The following FLNC variants were observed in gnomAD, a reference collection of about 807,000 sequenced individuals.
FLNC encodes filamin C, also known as filamin-C.
Under a neutral mutation model 254.3 loss-of-function variants are expected in FLNC, and 91 were observed. The ratio of observed to expected loss-of-function variants is 0.36; its 90% CI spans 0.30 to 0.43. The LOEUF (loss-of-function observed/expected upper bound fraction) is 0.43. FLNC is among the 20% of genes least tolerant of loss of function. The pLI is 1.00. For missense variants in FLNC, 2,853 were observed against 3,802.6 expected (o/e 0.75, Z 6.57); for synonymous variants, 1,430 against 1,577.2 (o/e 0.91, Z 2.21).
chr7:128,840,870 G>T lies in FLNC; in HGVS notation c.1713G>T (p.Val571=). The stretch of plus-strand genomic sequence containing the variant: ...TACAGGTGAGCCCAGAGGCAGGAGT[G>T]CAAAAGGTCCGGGCCTGGGGTCCTG... ...FEVQVSPEAG[V]QKVRAWGPGL... The change falls in exon 11 of 48, where the codon GTG becomes GTT. Residue 571 remains valine, a synonymous_variant. Transcript: ENST00000325888. 1 of 1,614,026 alleles carries T rather than the reference G, an allele frequency of 6.2e-7. No individual in the cohort carries two copies. Among genetic ancestry groups the T allele is most frequent in the Non-Finnish European group, 8.5e-7 (1 of 1,180,004 alleles).
At chr7:128,850,268 C>T (rs1489261131) in intron 31 of FLNC, 116 bp from the exon 32 acceptor site, 10 of 1,022,882 alleles carry the variant, frequency 9.8e-6, no homozygotes, top group African/African-American at 1.6e-5. Context: ...TCTCCTGCCA[C>T]GCTGGTTTCA....
rs755909576 is a variant in FLNC, at chr7:128,847,952, C to T, written c.4464C>T (p.Ala1488=). 14 of 1,613,200 alleles carry T rather than the reference C, an allele frequency of 8.7e-6. 1 individual carries two copies. The highest frequency in any genetic ancestry group is 4.0e-5 in the African/African-American group (3 of 75,036). Reference sequence around the variant, plus strand: ...CCTGTGCCCCTTGCCCAGGTGTGGCCGAGCCTGTGGAGGTGCGGGACAATG... The same window carrying T: ...CCTGTGCCCCTTGCCCAGGTGTGGCTGAGCCTGTGGAGGTGCGGGACAATG... ...QVAVLGPTGV[A]EPVEVRDNGD... is the part of the protein sequence containing the mutation. The change falls in exon 26 of 48, where the codon GCC becomes GCT. Residue 1488 remains alanine, a synonymous_variant. Transcript: ENST00000325888.
intron 43 of FLNC, among the ~76,000 whole-genome samples, chr7:128,855,895 G>A (rs1201294920): frequency 6.6e-6 from 1 of 152,238 alleles, no homozygotes; most frequent in Non-Finnish European, 1.5e-5. Context: ...GTGTCCAGGG[G>A]ACACATTGTA....
intron 16 of FLNC, 134 bp downstream of exon 16, chr7:128,843,088 C>T (rs1254528731): frequency 4.3e-6 from 6 of 1,387,926 alleles, no homozygotes; most frequent in Non-Finnish European, 6.0e-6. Flanking sequence ...AGGCAGGGTG[C>T]CTCAGAGGAA....
Position 128,849,315 on chromosome 7 carries a change from A to G in FLNC, c.4952-16A>G. The G allele has an allele frequency of 6.2e-7, 1 of 1,614,020 alleles. No individual in the cohort carries two copies. Among genetic ancestry groups the G allele is most frequent in the Non-Finnish European group, 8.5e-7 (1 of 1,180,018 alleles). On this transcript the variant is annotated splice_polypyrimidine_tract_variant and intron_variant, in intron 29 of 47. Coordinates refer to ENST00000325888, the MANE Select transcript of FLNC (RefSeq NM_001458.5). ...CCAGCCCACCAGCTCCCTGAGCAGGATCTCCCGCATGGCAGGTGCCTGCCT... is the reference window on the plus strand; with the variant it reads ...CCAGCCCACCAGCTCCCTGAGCAGGGTCTCCCGCATGGCAGGTGCCTGCCT...
At chr7:128,837,326 C>G (rs1808133508) in intron 3 of FLNC, 69 bp downstream of exon 3, 1 of 1,610,668 alleles carries the variant, frequency 6.2e-7, no homozygotes, top group African/African-American at 1.3e-5. Context: ...GTTTACCTGG[C>G]CAGGGTGCAG....
rs1312282118 is a variant in FLNC at position 128,837,699 on chromosome 7, G to A, written c.913G>A (p.Ala305Thr). 8 of 1,608,898 alleles carry A rather than the reference G, an allele frequency of 5.0e-6. No individual in the cohort carries two copies. The highest frequency in any genetic ancestry group is 2.2e-5 in the East Asian group (1 of 44,716). ...PAHFTVQTVD[A>T]GVGEVLVYIE... ...CCACTTCACCGTGCAGACGGTGGAC[G>A]CGGGCGTGGGCGAGGTGCTGGTCTA... The change falls in exon 5 of 48, where the codon GCG becomes ACG. Residue 305 changes from alanine (A) to threonine (T), a missense_variant. Physicochemically the swap from Ala to Thr is moderately conservative, Grantham distance 58 (BLOSUM62 0). Transcript: ENST00000325888.
At chr7:128,840,262 C>T in intron 9 of FLNC, 102 bp downstream of exon 9, 1 of 1,405,944 alleles carries the variant, frequency 7.1e-7, no homozygotes, top group Non-Finnish European at 9.9e-7. Context: ...GCCAGCACCA[C>T]AGCTCCACAG....
chr7:128,855,178 C>T, intron 42 of FLNC, 21 bp from the exon 43 acceptor site: 1 of 1,532,464 alleles, frequency 6.5e-7, no homozygotes, highest in Non-Finnish European at 9.0e-7. Flanking sequence ...GGAACCTGTG[C>T]TGACTGGTCT....
In FLNC at chr7:128,840,602, G is replaced by A. The variant is rs62479630; in HGVS notation, c.1604G>A (p.Cys535Tyr). The change falls in exon 10 of 48, where the codon TGC becomes TAC. Residue 535 changes from cysteine (C) to tyrosine (Y), a missense_variant. This residue lies in a region of FLNC where 1,573 missense variants were observed against 1,883.5 expected (regional missense o/e 0.84). Coordinates refer to ENST00000325888, the MANE Select transcript of FLNC (RefSeq NM_001458.5). ...GAGGCTGGGGATGGTGTGTTCGAGTGCGAGTACTACCCGGTGGTGCCTGGG... is the reference window on the plus strand; with the variant it reads ...GAGGCTGGGGATGGTGTGTTCGAGTACGAGTACTACCCGGTGGTGCCTGGG... The part of the protein sequence containing the change: ...VREAGDGVFE[C>Y]EYYPVVPGKY... 2 of 1,614,128 alleles carry A rather than the reference G, an allele frequency of 1.2e-6. No homozygotes were observed. The highest frequency in any genetic ancestry group is 2.2e-5 in the South Asian group (2 of 91,094).
rs1809139971 is a variant in FLNC, at chr7:128,857,971, T to G, written c.7781-37T>G. 2 of 1,402,078 alleles carry G rather than the reference T, an allele frequency of 1.4e-6. No individual in the cohort carries two copies. The highest frequency in any genetic ancestry group is 1.4e-5 in the African/African-American group (1 of 70,942). 86.9% of individuals were successfully genotyped at this position (1,402,078 alleles called of 1,614,324 possible). A position where few individuals can be genotyped will look rare whatever the true frequency, so the allele number is the denominator to read the frequency against. ...TGCCTGGGGAAGAACAGGAAGCCCTTCTGACTAGGTTTGTGCCCCCTCCAC... is the reference window on the plus strand; with the variant it reads ...TGCCTGGGGAAGAACAGGAAGCCCTGCTGACTAGGTTTGTGCCCCCTCCAC... On this transcript the variant is annotated intron_variant, in intron 46 of 47. Coordinates refer to ENST00000325888, the MANE Select transcript of FLNC (RefSeq NM_001458.5). This position sits in a 1 kb window ranked among gnomAD's most constrained non-coding sequence, Gnocchi z 4.5.
Position 128,846,391 on chromosome 7 carries a change from G to T in FLNC, c.4055G>T (p.Arg1352Leu), listed in dbSNP as rs746731567. The stretch of plus-strand genomic sequence containing the variant: ...GTGACCGAGGGCTGTGATCCCACCC[G>T]CGTCCGAGCCTTCGGGCCAGGCCTG... ...VGVTEGCDPT[R>L]VRAFGPGLEG... Residue 1352 changes from arginine to leucine, a missense_variant, in exon 23 of 48, where the codon CGC becomes CTC. Arg to Leu is a moderately radical substitution (Grantham distance 102, BLOSUM62 -2). This residue lies in a region of FLNC where 1,573 missense variants were observed against 1,883.5 expected (regional missense o/e 0.84). Transcript: ENST00000325888. The T allele has an allele frequency of 2.5e-6, 4 of 1,611,280 alleles. No homozygotes were observed. The highest frequency in any genetic ancestry group is 3.4e-6 in the Non-Finnish European group (4 of 1,180,000).
At position 128,851,357 on chromosome 7, in the gene FLNC, G is replaced by C; in HGVS notation, c.5665G>C (p.Glu1889Gln). 6.2e-7 allele frequency: 1 copy of C among 1,614,160 alleles called. No individual in the cohort carries two copies. Among genetic ancestry groups the C allele is most frequent in the Non-Finnish European group, 8.5e-7 (1 of 1,180,046 alleles). Residue 1889 changes from glutamate (E) to glutamine (Q), a missense_variant, in exon 34 of 48, where the codon GAA becomes CAA. Coordinates refer to ENST00000325888, the MANE Select transcript of FLNC (RefSeq NM_001458.5). ...TFTIVTKDAG[E>Q]GGLSLAVEGP... ...CACTATTGTCACCAAAGATGCTGGA[G>C]AAGGTGAGGGAGCTGCAGGTCGCAG...
Position 128,854,608 on chromosome 7 carries a change from C to T in FLNC, c.6923C>T (p.Pro2308Leu), listed in dbSNP as rs369250297. Residue 2308 changes from proline (P) to leucine (L), a missense_variant, in exon 41 of 48, where the codon CCG (proline) becomes CTG (leucine). Transcript: ENST00000325888. ...PGSPFQFTVGPLGEGGAHKVR... is the reference protein window; with the variant it reads ...PGSPFQFTVGLLGEGGAHKVR... ...AGCCCCTTTCAGTTCACTGTGGGGC[C>T]GCTGGGTGAAGGTGGTGCCCACAAG... is the stretch of plus-strand genomic sequence containing the variant. 28 of 1,611,406 alleles carry T rather than the reference C, an allele frequency of 1.7e-5. No homozygotes were observed. The highest frequency in any genetic ancestry group is 1.1e-5 in the South Asian group (1 of 90,780).
chr7:128,835,690 G>T lies in FLNC; in HGVS notation c.601+116G>T. ...TGCACACCCTGGGGCCTGGGGGCCA[G>T]GATCCCCTGCAGGGTTTGTCCTCCT... is the stretch of plus-strand genomic sequence containing the variant. On this transcript the variant is annotated intron_variant, in intron 2 of 47. Coordinates refer to ENST00000325888, the MANE Select transcript of FLNC (RefSeq NM_001458.5). This position sits in a 1 kb window ranked among gnomAD's most constrained non-coding sequence, Gnocchi z 5.3. 1 of 1,210,582 alleles carries T rather than the reference G, an allele frequency of 8.3e-7. No individual in the cohort carries two copies. The highest frequency in any genetic ancestry group is 1.2e-6 in the Non-Finnish European group (1 of 847,220). 75.0% of individuals were successfully genotyped at this position (1,210,582 alleles called of 1,614,324 possible).
chr7:128,841,376 C>A lies in FLNC; in HGVS notation c.2007+13C>A. Reference sequence around the variant, plus strand: ...CTTCCCAGATAAGGTGTGGTCCCAGCTCACACACACCTGCCCCGGGGGTGG... The same window carrying A: ...CTTCCCAGATAAGGTGTGGTCCCAGATCACACACACCTGCCCCGGGGGTGG... On this transcript the variant is annotated intron_variant, in intron 12 of 47. Coordinates refer to ENST00000325888, the MANE Select transcript of FLNC (RefSeq NM_001458.5). This position sits in a 1 kb window ranked among gnomAD's most constrained non-coding sequence, Gnocchi z 4.3. 1 of 1,613,908 alleles carries A rather than the reference C, an allele frequency of 6.2e-7. No homozygotes were observed. The highest frequency in any genetic ancestry group is 1.3e-5 in the African/African-American group (1 of 75,048).
At chr7:128,850,277 C>T in intron 31 of FLNC, 107 bp from the exon 32 acceptor site, 1 of 1,071,232 alleles carries the variant, frequency 9.3e-7, no homozygotes, top group Admixed American at 1.7e-5. Context: ...ACGCTGGTTT[C>T]ATGATTAACT....
chr7:128,837,670 C>T lies in FLNC; in HGVS notation c.884C>T (p.Pro295Leu). The T allele has an allele frequency of 3.1e-6, 5 of 1,612,410 alleles. No individual in the cohort carries two copies. Among genetic ancestry groups the T allele is most frequent in the Non-Finnish European group, 4.2e-6 (5 of 1,179,942 alleles). The change falls in exon 5 of 48, where the codon CCT becomes CTT. Residue 295 changes from proline (P) to leucine (L), a missense_variant. Coordinates refer to ENST00000325888, the MANE Select transcript of FLNC (RefSeq NM_001458.5). ...IEPQGNTVLQ[P>L]AHFTVQTVDA... ...CCACAGGGCAACACCGTGCTGCAGCCTGCCCACTTCACCGTGCAGACGGTG... is the reference window on the plus strand; with the variant it reads ...CCACAGGGCAACACCGTGCTGCAGCTTGCCCACTTCACCGTGCAGACGGTG...
At chr7:128,837,126 C>A in intron 2 of FLNC, 34 bp from the exon 3 acceptor site, 1 of 1,456,894 alleles carries the variant, frequency 6.9e-7, no homozygotes, top group Non-Finnish European at 9.5e-7. Flanking sequence ...GGCTGGCTGC[C>A]CCTCACCATC....
Sources: gnomAD v4.1 joint callset for allele counts (sites outside exome capture counted in the v4.1 genomes callset) on GRCh38, gnomAD v4.1.1 for gene constraint, gnomAD v4.1.1 regional missense constraint, Gnocchi (gnomAD v3.1) non-coding constraint, MANE v1.5 for transcripts, NCBI Gene and HGNC (gene_info 2026-07-23, HGNC 2026-07-21) for gene names.